The following ZC3H3 variants were observed in gnomAD, a reference collection of about 807,000 sequenced individuals.
The protein encoded by ZC3H3 is zinc finger CCCH domain-containing protein 3.
A neutral mutation model predicts 77.3 loss-of-function variants in ZC3H3; 36 were observed. The ratio of observed to expected loss-of-function variants is 0.47; its 90% CI spans 0.36 to 0.61. ZC3H3 has a LOEUF of 0.61. Ranked by LOEUF, ZC3H3 falls within the 20% of genes least tolerant of loss-of-function variation. The pLI is 0.00. For missense variants in ZC3H3, 1,331 were observed against 1,312.2 expected, an observed-to-expected ratio of 1.01 and a Z score of -0.22; for synonymous variants, 626 against 555.2, an observed-to-expected ratio of 1.13 and a Z score of -1.79.
chr8:143,438,525 G>A (rs1819642337), intron 11 of ZC3H3, among the ~76,000 whole-genome samples: 1 of 152,214 alleles, frequency 6.6e-6, no homozygotes, highest in African/African-American at 2.4e-5. Flanking sequence ...GGAAAGCCGG[G>A]GTGCACACAA....
chr8:143,454,769 C>T (rs943215115), intron 9 of ZC3H3, among the ~76,000 whole-genome samples: 7 of 152,096 alleles, frequency 4.6e-5, no homozygotes, highest in African/African-American at 7.2e-5. Flanking sequence ...AATCTTGCAC[C>T]GTCATGCTCT....
intron 4 of ZC3H3, among the ~76,000 whole-genome samples, chr8:143,483,280 G>A (rs1258910871): frequency 6.6e-6 from 1 of 152,218 alleles, no homozygotes; most frequent in Non-Finnish European, 1.5e-5. Flanking sequence ...GGGAGGGCGA[G>A]CATGCATGTG....
intron 9 of ZC3H3, among the ~76,000 whole-genome samples, chr8:143,441,882 A>C (rs1178965386): frequency 6.6e-6 from 1 of 151,826 alleles, no homozygotes; most frequent in Non-Finnish European, 1.5e-5. Flanking sequence ...CCTCCCCCTC[A>C]CCCTGCAGAG....
chr8:143,463,881 A>T (rs1048659592), intron 9 of ZC3H3, among the ~76,000 whole-genome samples: 2 of 152,250 alleles, frequency 1.3e-5, no homozygotes, highest in African/African-American at 4.8e-5. Context: ...GTGGCCCCCC[A>T]AAAGGGGAAG....
chr8:143,464,631 G>A (rs138215009), intron 9 of ZC3H3, among the ~76,000 whole-genome samples: 6 of 152,348 alleles, frequency 3.9e-5, no homozygotes, highest in East Asian at 1.9e-4. Flanking sequence ...CTTCGGGCCC[G>A]GTGTCCTTGC....
intron 4 of ZC3H3, among the ~76,000 whole-genome samples, chr8:143,479,010 A>AC (rs1231459620): frequency 6.6e-6 from 1 of 152,024 alleles, no homozygotes; most frequent in Non-Finnish European, 1.5e-5. Context: ...CCAGCCCCCC[A>AC]CTGCCCACCA....
At chr8:143,464,299 A>G (rs1347512925) in intron 9 of ZC3H3, among the ~76,000 whole-genome samples, 1 of 152,256 alleles carries the variant, frequency 6.6e-6, no homozygotes, top group Non-Finnish European at 1.5e-5. Context: ...TTTTACAATA[A>G]TCAGCCATGG....
chr8:143,541,429 G>A lies in ZC3H3; in HGVS notation c.-8C>T. 1 of 1,611,630 alleles carries A rather than the reference G, an allele frequency of 6.2e-7. No homozygotes were observed. Among genetic ancestry groups the A allele is most frequent in the Non-Finnish European group, 8.5e-7 (1 of 1,179,350 alleles). ...TATCTCCTTTTCCTCCATCTCCCGA[G>A]TCCGCGACGGCCGGCCAGGCCCCCA... On this transcript the variant is annotated 5_prime_UTR_variant, in exon 1 of 12. Coordinates refer to ENST00000262577, the MANE Select transcript of ZC3H3 (RefSeq NM_015117.3).
intron 8 of ZC3H3, among the ~76,000 whole-genome samples, chr8:143,467,285 A>C (rs1323105795): frequency 6.6e-6 from 1 of 152,148 alleles, no homozygotes; most frequent in Non-Finnish European, 1.5e-5. Context: ...CTGCATTCTC[A>C]TTTCAATTAA....
In ZC3H3 at chr8:143,481,795, G is replaced by A. The variant is rs551158020; in HGVS notation, c.1716-6210C>T. On this transcript the variant is annotated intron_variant, in intron 4 of 11. Transcript: ENST00000262577. ...ACAGCCAGGCCCCGCAGCCAGTGTC[G>A]GTCAGCAGTTCTCCCCATGAGGGGC... Among the ~76,000 whole-genome samples, 10 of 152,342 alleles carry A rather than the reference G, an allele frequency of 6.6e-5. No individual in the cohort carries two copies. The East Asian group carries it at 1.2e-3, about 18-fold the overall frequency.
chr8:143,451,389 A>C (rs1283853884), intron 9 of ZC3H3, among the ~76,000 whole-genome samples: 1 of 152,192 alleles, frequency 6.6e-6, no homozygotes, highest in East Asian at 1.9e-4. Context: ...AACGCAAATT[A>C]AATACAGATG....
intron 4 of ZC3H3, among the ~76,000 whole-genome samples, chr8:143,496,864 T>C (rs150352126): frequency 6.6e-6 from 1 of 152,320 alleles, no homozygotes; most frequent in Non-Finnish European, 1.5e-5. Context: ...CTGCATCTCA[T>C]CACAAAAAGA....
rs1821746173 is a variant in ZC3H3 at position 143,507,743 on chromosome 8, T to C, written c.1715+3A>G. On this transcript the variant is annotated splice_donor_region_variant and intron_variant, in intron 4 of 11. Transcript: ENST00000262577. The stretch of plus-strand genomic sequence containing the variant: ...TGCAGGAGCCTGCAGGAAGCCTTCC[T>C]ACCTGGATAGTGAGAGCCGCCGGGC... The C allele has an allele frequency of 6.4e-7, 1 of 1,566,678 alleles. No homozygotes were observed. Among genetic ancestry groups the C allele is most frequent in the South Asian group, 1.1e-5 (1 of 87,830 alleles).
intron 4 of ZC3H3, among the ~76,000 whole-genome samples, 185 bp downstream of exon 4, chr8:143,507,561 T>G (rs2085182715): frequency 6.6e-6 from 1 of 152,272 alleles, no homozygotes; most frequent in Admixed American, 6.5e-5. Flanking sequence ...TGGCCTCCTA[T>G]TTGGTGCAGA....
At chr8:143,461,219 C>CA (rs1356775951) in intron 9 of ZC3H3, among the ~76,000 whole-genome samples, 2 of 152,024 alleles carry the variant, frequency 1.3e-5, no homozygotes, top group Admixed American at 6.5e-5. Flanking sequence ...AGCTGTTTTT[C>CA]AAAAAAAGAT....
intron 11 of ZC3H3, among the ~76,000 whole-genome samples, chr8:143,439,106 TAA>T (rs568475106): frequency 7.7e-5 from 11 of 142,114 alleles, no homozygotes; most frequent in Non-Finnish European, 6.2e-5. Flanking sequence ...TTCCTGATCT[TAA>T]AAAAAAAAAA....
intron 9 of ZC3H3, among the ~76,000 whole-genome samples, chr8:143,465,436 C>T (rs983896319): frequency 6.6e-6 from 1 of 152,210 alleles, no homozygotes; most frequent in Admixed American, 6.5e-5. Context: ...CACACCCCTA[C>T]CATGGGGGGC....
intron 8 of ZC3H3, among the ~76,000 whole-genome samples, chr8:143,467,180 C>A (rs1820432229): frequency 6.6e-6 from 1 of 152,108 alleles, no homozygotes; most frequent in African/African-American, 2.4e-5. Flanking sequence ...GATATAGAGC[C>A]CAAATTAGCT....
intron 4 of ZC3H3, among the ~76,000 whole-genome samples, chr8:143,502,587 GC>G (rs1821559286): frequency 6.6e-6 from 1 of 152,222 alleles, no homozygotes; most frequent in South Asian, 2.1e-4. Flanking sequence ...AGATGGAAAA[GC>G]CTCCGATTCA....
Sources: allele counts gnomAD v4.1 joint callset (sites outside exome capture counted in the v4.1 genomes callset), GRCh38; gene constraint gnomAD v4.1.1; transcripts MANE v1.5; gene names NCBI Gene and HGNC (gene_info 2026-07-23, HGNC 2026-07-21).